PACSIN2: variants seen among roughly 807,000 people sequenced by gnomAD.
PACSIN2 encodes protein kinase C and casein kinase substrate in neurons 2.
Under a neutral mutation model 63.8 loss-of-function variants are expected in PACSIN2, and 25 were observed. That is an observed-to-expected ratio of 0.39 (90% confidence interval 0.29 to 0.55). The LOEUF (loss-of-function observed/expected upper bound fraction) is 0.55, where lower values mean the gene tolerates loss of function less well. Ranked by LOEUF, PACSIN2 falls within the 20% of genes least tolerant of loss-of-function variation. PACSIN2 has a pLI of 0.62. For missense variants in PACSIN2, 518 were observed against 646.9 expected (o/e 0.80, Z 2.16); for synonymous variants, 255 against 256.2 (o/e 1.00, Z 0.05).
At chr22:42,884,880 G>A (rs1437046668) in intron 5 of PACSIN2, among the ~76,000 whole-genome samples, 1 of 152,232 alleles carries the variant, frequency 6.6e-6, no homozygotes, top group African/African-American at 2.4e-5. Flanking sequence ...GTGGGGAAGG[G>A]CTGTGCCTGG....
chr22:42,919,722 G>A (rs1334532131), intron 1 of PACSIN2, among the ~76,000 whole-genome samples: 2 of 131,320 alleles, frequency 1.5e-5, no homozygotes, highest in Non-Finnish European at 3.1e-5. Context: ...GTAGTGAGCC[G>A]AGATTGCACC....
chr22:42,945,096 C>CAA (rs11340938), intron 1 of PACSIN2, among the ~76,000 whole-genome samples: 3 of 137,716 alleles, frequency 2.2e-5, no homozygotes, highest in Non-Finnish European at 3.2e-5. Context: ...AGACTCGTCT[C>CAA]AAAAAAAAAA....
intron 1 of PACSIN2, among the ~76,000 whole-genome samples, chr22:42,972,481 G>T (rs1921400445): frequency 6.6e-6 from 1 of 151,930 alleles, no homozygotes; most frequent in Non-Finnish European, 1.5e-5. Context: ...CCCTCTCCGA[G>T]AAACACCCAA....
chr22:42,914,576 C>A (rs1931688328), intron 1 of PACSIN2, among the ~76,000 whole-genome samples: 2 of 152,100 alleles, frequency 1.3e-5, no homozygotes, highest in South Asian at 4.2e-4. Context: ...GTCGCCTCAC[C>A]CCATGTTTCA....
chr22:42,876,331 A>G lies in PACSIN2; in HGVS notation c.1154T>C (p.Val385Ala), dbSNP rs777745162. Residue 385 changes from valine to alanine, a missense_variant and splice_region_variant, in exon 10 of 11, where the codon GTG becomes GCG. By Grantham distance (64) the Val-to-Ala change is moderately conservative. Coordinates refer to ENST00000263246, the MANE Select transcript of PACSIN2 (RefSeq NM_001184970.3). Reference sequence around the variant, plus strand: ...GCTCTGGGTCTTCTCGTAGCTGCTCACACTGCAAGAAAGGGGAGGCCACAG... The same window carrying G: ...GCTCTGGGTCTTCTCGTAGCTGCTCGCACTGCAAGAAAGGGGAGGCCACAG... Reference protein sequence around the residue: ...SEKDDTKAKNVSSYEKTQSYP... With the variant: ...SEKDDTKAKNASSYEKTQSYP... The G allele has an allele frequency of 5.6e-6, 9 of 1,613,022 alleles. No individual in the cohort carries two copies. The South Asian group carries it at 8.8e-5, about 16-fold the overall frequency.
At chr22:42,981,213 G>A (rs1922085688) in intron 1 of PACSIN2, among the ~76,000 whole-genome samples, 1 of 120,120 alleles carries the variant, frequency 8.3e-6, no homozygotes, top group Admixed American at 7.9e-5. Context: ...CTGCCCGGCC[G>A]CTCCGTCTGA....
rs140752551 is a variant in PACSIN2 at position 42,876,189 on chromosome 22, C to T, written c.1296G>A (p.Arg432=). ...CCTGCCCCTCATAGTCATACAGGGCCCGGACTCGCACTTCCGTCCCCGAGG... is the reference window on the plus strand; with the variant it reads ...CCTGCCCCTCATAGTCATACAGGGCTCGGACTCGCACTTCCGTCCCCGAGG... The part of the protein sequence containing the change: ...DATSGTEVRV[R]ALYDYEGQEH... Residue 432 remains arginine (R), a synonymous_variant, in exon 10 of 11, where the codon CGG becomes CGA. Coordinates refer to ENST00000263246, the MANE Select transcript of PACSIN2 (RefSeq NM_001184970.3). 1.2e-6 allele frequency: 2 copies of T among 1,614,220 alleles called. No individual in the cohort carries two copies. The highest frequency in any genetic ancestry group is 2.2e-5 in the South Asian group (2 of 91,090).
At chr22:42,907,510 G>A (rs1472250049) in intron 2 of PACSIN2, among the ~76,000 whole-genome samples, 1 of 152,242 alleles carries the variant, frequency 6.6e-6, no homozygotes, top group East Asian at 1.9e-4. Flanking sequence ...TTAAGCTGAT[G>A]CGCACCCTGT....
At chr22:42,982,876 A>ACAAAAACAAAACC (rs1244696504) in intron 1 of PACSIN2, among the ~76,000 whole-genome samples, 1 of 131,134 alleles carries the variant, frequency 7.6e-6, no homozygotes, top group African/African-American at 2.9e-5. Context: ...CAATAAAAAA[A>ACAAAAACAAAACC]AAAAAAAAAA....
intron 10 of PACSIN2, among the ~76,000 whole-genome samples, chr22:42,874,741 G>A (rs1211760306): frequency 6.6e-6 from 1 of 152,200 alleles, no homozygotes; most frequent in Non-Finnish European, 1.5e-5. Flanking sequence ...ATGCCCTTCT[G>A]TGTGACTAGC....
intron 1 of PACSIN2, among the ~76,000 whole-genome samples, chr22:42,933,024 G>T (rs1932814460): frequency 6.6e-6 from 1 of 152,232 alleles, no homozygotes; most frequent in African/African-American, 2.4e-5. Context: ...AAGAGTTGCT[G>T]TATCATTGAA....
At chr22:42,972,064 G>A (rs377311424) in intron 1 of PACSIN2, among the ~76,000 whole-genome samples, 7 of 151,994 alleles carry the variant, frequency 4.6e-5, no homozygotes, top group East Asian at 3.9e-4. Context: ...TTGTCCAATG[G>A]GGGGGGGAAA....
intron 1 of PACSIN2, among the ~76,000 whole-genome samples, chr22:43,003,942 T>C (rs1923929071): frequency 6.6e-6 from 1 of 152,226 alleles, no homozygotes; most frequent in African/African-American, 2.4e-5. Context: ...ATCTCCCTGC[T>C]GTGTAAATGG....
At chr22:42,924,913 C>T (rs1214990608) in intron 1 of PACSIN2, among the ~76,000 whole-genome samples, 1 of 151,950 alleles carries the variant, frequency 6.6e-6, no homozygotes, top group African/African-American at 2.4e-5. Flanking sequence ...CCTGCCACTA[C>T]GCCCAGCTAA....
chr22:42,992,449 A>C (rs1162006191), intron 1 of PACSIN2, among the ~76,000 whole-genome samples: 1 of 152,172 alleles, frequency 6.6e-6, no homozygotes, highest in African/African-American at 2.4e-5. Flanking sequence ...TACCCCAGGG[A>C]AGTGGAAGCA....
chr22:42,924,915 C>A (rs1398387276), intron 1 of PACSIN2, among the ~76,000 whole-genome samples: 1 of 151,998 alleles, frequency 6.6e-6, no homozygotes. Context: ...TGCCACTACG[C>A]CCAGCTAATT....
rs117786234 is a variant in PACSIN2, at chr22:42,905,322, C to T, written c.60+6699G>A. 8.9e-4 allele frequency among the ~76,000 whole-genome samples: 135 copies of T among 152,380 alleles called. No individual in the cohort carries two copies. The South Asian group carries it at 9.7e-3, about 11-fold the overall frequency. Reference sequence around the variant, plus strand: ...TGTCTCCGCGTGTGCGATGCTCCCGCGTGTGGCTGCAGAAACGGTAAGTGT... The same window carrying T: ...TGTCTCCGCGTGTGCGATGCTCCCGTGTGTGGCTGCAGAAACGGTAAGTGT... On this transcript the variant is annotated intron_variant, in intron 2 of 10. Coordinates refer to ENST00000263246, the MANE Select transcript of PACSIN2 (RefSeq NM_001184970.3).
chr22:42,969,563 G>A (rs940148077), intron 1 of PACSIN2, among the ~76,000 whole-genome samples: 14 of 152,090 alleles, frequency 9.2e-5, no homozygotes, highest in African/African-American at 1.7e-4. Context: ...TTGTAACACC[G>A]GCATTATCCA....
chr22:42,933,595 C>T (rs1030113166), intron 1 of PACSIN2, among the ~76,000 whole-genome samples: 8 of 152,186 alleles, frequency 5.3e-5, no homozygotes, highest in African/African-American at 1.7e-4. Flanking sequence ...CCTGTCCGTC[C>T]TATACTCTCA....
Sources: allele counts gnomAD v4.1 joint callset (sites outside exome capture counted in the v4.1 genomes callset), GRCh38; gene constraint gnomAD v4.1.1; transcripts MANE v1.5; gene names NCBI Gene and HGNC (gene_info 2026-07-23, HGNC 2026-07-21).